Variants in DTWD2 observed in about 807,000 individuals in gnomAD.
DTWD2 encodes the protein tRNA-uridine aminocarboxypropyltransferase 2.
Under a neutral mutation model 31.8 loss-of-function variants are expected in DTWD2, and 39 were observed. The observed-to-expected ratio is 1.22, with a 90% confidence interval of 0.95 to 1.60. The LOEUF (loss-of-function observed/expected upper bound fraction) is 1.60, where lower values mean the gene tolerates loss of function less well. DTWD2 is among the 40% of genes most tolerant of loss of function. The pLI is 0.00. For synonymous variants in DTWD2, 180 were observed against 142.8 expected (o/e 1.26, Z -1.86); for missense variants, 515 against 381.5 (o/e 1.35, Z -2.92).
intron 5 of DTWD2, among the ~76,000 whole-genome samples, chr5:118,845,646 C>G (rs935923615): frequency 2.0e-5 from 3 of 152,262 alleles, no homozygotes; most frequent in African/African-American, 7.2e-5. Flanking sequence ...CTCCTGGCAA[C>G]CAAAGCAAGC....
At chr5:118,845,692 G>C (rs1167205376) in intron 5 of DTWD2, among the ~76,000 whole-genome samples, 1 of 152,114 alleles carries the variant, frequency 6.6e-6, no homozygotes, top group African/African-American at 2.4e-5. Context: ...ATTACTTTGG[G>C]ACTTTATGTT....
chr5:118,884,070 A>G (rs1409235282), intron 4 of DTWD2, among the ~76,000 whole-genome samples: 1 of 152,226 alleles, frequency 6.6e-6, no homozygotes, highest in African/African-American at 2.4e-5. Context: ...AACAGGCAAA[A>G]AGAAACATGA....
chr5:118,928,422 T>C (rs1753852230), intron 4 of DTWD2, 115 bp downstream of exon 4: 14 of 667,416 alleles, frequency 2.1e-5, no homozygotes, highest in East Asian at 1.4e-4. Flanking sequence ...TATTCACACA[T>C]AGAAATACCA....
chr5:118,867,498 G>C (rs1025657610), intron 4 of DTWD2, among the ~76,000 whole-genome samples: 6 of 152,170 alleles, frequency 3.9e-5, no homozygotes, highest in Admixed American at 1.3e-4. Context: ...TCTTGAGCCA[G>C]ACTGTCTTTG....
chr5:118,975,052 T>G (rs1016144719), intron 1 of DTWD2, among the ~76,000 whole-genome samples: 13 of 152,232 alleles, frequency 8.5e-5, no homozygotes, highest in African/African-American at 3.1e-4. Flanking sequence ...CTGTATTTCC[T>G]GAATTTGAAT....
At chr5:118,901,236 G>C (rs1269576987) in intron 4 of DTWD2, among the ~76,000 whole-genome samples, 3 of 151,944 alleles carry the variant, frequency 2.0e-5, no homozygotes, top group Admixed American at 2.0e-4. Flanking sequence ...CCTTTACATG[G>C]TAATATTCTA....
chr5:118,848,186 A>G lies in DTWD2; in HGVS notation c.630T>C (p.Tyr210=), dbSNP rs1336595587. The G allele has an allele frequency of 1.2e-6, 2 of 1,605,860 alleles. No homozygotes were observed. Among genetic ancestry groups the G allele is most frequent in the South Asian group, 1.1e-5 (1 of 89,246 alleles). The change falls in exon 5 of 6, where the codon TAT becomes TAC. Residue 210 remains tyrosine (Y), a synonymous_variant. Transcript: ENST00000510708. ...TATTAGTCGGCTGCATCCGAATTAC[A>G]TACTGACTAGAAATGCTAGTTTTTA... ...VQLKTSISSQ[Y]VIRMQPTNRC... is the part of the protein sequence containing the mutation.
intron 5 of DTWD2, among the ~76,000 whole-genome samples, chr5:118,846,340 A>G (rs1335690355): frequency 6.6e-6 from 1 of 152,192 alleles, no homozygotes; most frequent in Non-Finnish European, 1.5e-5. Context: ...CACTATTACC[A>G]TAACCACCAC....
chr5:118,921,801 T>A (rs1233849990), intron 4 of DTWD2, among the ~76,000 whole-genome samples: 1 of 152,206 alleles, frequency 6.6e-6, no homozygotes, highest in Non-Finnish European at 1.5e-5. Flanking sequence ...CAACTCTGAA[T>A]GCTGACAGAG....
intron 4 of DTWD2, among the ~76,000 whole-genome samples, chr5:118,899,799 C>CTTTTTTTT (rs1163738328): frequency 9.4e-4 from 117 of 124,872 alleles, no homozygotes; most frequent in Non-Finnish European, 1.6e-3. Context: ...TTCGTTTTTT[C>CTTTTTTTT]TTTTTTTTTT....
At chr5:118,971,966 A>G (rs1754997408) in intron 1 of DTWD2, among the ~76,000 whole-genome samples, 1 of 152,212 alleles carries the variant, frequency 6.6e-6, no homozygotes, top group African/African-American at 2.4e-5. Flanking sequence ...GTAACACTGC[A>G]AAACAGTGTT....
At chr5:118,952,935 C>T (rs1316855688) in intron 1 of DTWD2, among the ~76,000 whole-genome samples, 1 of 152,154 alleles carries the variant, frequency 6.6e-6, no homozygotes, top group Admixed American at 6.5e-5. Flanking sequence ...TCCATTTAAA[C>T]ACTTGACCAC....
At chr5:118,979,453 C>T (rs1311642647) in intron 1 of DTWD2, among the ~76,000 whole-genome samples, 1 of 152,116 alleles carries the variant, frequency 6.6e-6, no homozygotes, top group Admixed American at 6.6e-5. Flanking sequence ...TGGGGCAATT[C>T]CTCAAAGATC....
At position 118,903,410 on chromosome 5, in the gene DTWD2, T is replaced by C. The variant is rs151310244; in HGVS notation, c.597+25127A>G. Among the ~76,000 whole-genome samples, 832 of 152,200 alleles carry C rather than the reference T, an allele frequency of 5.5e-3. 9 individuals carry two copies. The highest frequency in any genetic ancestry group is 0.019 in the African/African-American group (777 of 41,588). Reference sequence around the variant, plus strand: ...GAAGTAATAAATAACCTTCTTCACATAGTTCCACTTTTGCTTTTTCTTGCA... The same window carrying C: ...GAAGTAATAAATAACCTTCTTCACACAGTTCCACTTTTGCTTTTTCTTGCA... On this transcript the variant is annotated intron_variant, in intron 4 of 5. Transcript: ENST00000510708.
chr5:118,844,538 T>C (rs1324046144), intron 5 of DTWD2, among the ~76,000 whole-genome samples: 2 of 152,202 alleles, frequency 1.3e-5, no homozygotes, highest in African/African-American at 4.8e-5. Context: ...ACTGTGGCGA[T>C]TACTCATTAT....
intron 4 of DTWD2, among the ~76,000 whole-genome samples, chr5:118,878,491 T>C (rs901581074): frequency 1.3e-5 from 2 of 152,154 alleles, no homozygotes; most frequent in African/African-American, 2.4e-5. Flanking sequence ...CCCTTCATTA[T>C]ACCATATAAA....
intron 4 of DTWD2, among the ~76,000 whole-genome samples, chr5:118,885,024 C>T (rs1260925931): frequency 1.5e-5 from 2 of 137,884 alleles, no homozygotes; most frequent in African/African-American, 6.3e-5. Flanking sequence ...AAAAAATCGT[C>T]CAGGTTGGGT....
chr5:118,846,956 AC>A, intron 5 of DTWD2, among the ~76,000 whole-genome samples: 2 of 141,862 alleles, frequency 1.4e-5, no homozygotes, highest in Non-Finnish European at 1.5e-5. Context: ...ACACACACAC[AC>A]ACACACACAT....
intron 1 of DTWD2, among the ~76,000 whole-genome samples, chr5:118,972,861 T>G (rs1755019262): frequency 6.6e-6 from 1 of 152,128 alleles, no homozygotes; most frequent in African/African-American, 2.4e-5. Flanking sequence ...TAAACAAAAC[T>G]AAAGACAAAA....
Sources: allele counts gnomAD v4.1 joint callset (sites outside exome capture counted in the v4.1 genomes callset), GRCh38; gene constraint gnomAD v4.1.1; transcripts MANE v1.5; gene names NCBI Gene and HGNC (gene_info 2026-07-23, HGNC 2026-07-21).